Variants in RAB6B observed in about 807,000 individuals in gnomAD.
The protein encoded by RAB6B is ras-related protein Rab-6B.
Under a neutral mutation model 31.2 loss-of-function variants are expected in RAB6B, and 7 were observed. The observed-to-expected ratio is 0.22, with a 90% confidence interval of 0.13 to 0.42. The LOEUF (loss-of-function observed/expected upper bound fraction) is 0.42, where lower values mean the gene tolerates loss of function less well. Ranked by LOEUF, RAB6B falls within the 10% of genes least tolerant of loss-of-function variation. The probability of loss-of-function intolerance (pLI) is 1.00; values close to 1 mark genes in which losing one functional copy is unlikely to be tolerated. For missense variants in RAB6B, 149 were observed against 280.6 expected, an observed-to-expected ratio of 0.53 and a Z score of 3.35; for synonymous variants, 105 against 104.9, an observed-to-expected ratio of 1.00 and a Z score of -0.01.
chr3:133,851,127 T>C (rs756590782), intron 2 of RAB6B, among the ~76,000 whole-genome samples: 1 of 152,108 alleles, frequency 6.6e-6, no homozygotes, highest in Admixed American at 6.5e-5. Context: ...AGAGAATTTG[T>C]GGCAAGCAGA....
chr3:133,880,194 T>C (rs993800641), intron 1 of RAB6B, among the ~76,000 whole-genome samples: 1 of 152,236 alleles, frequency 6.6e-6, no homozygotes, highest in African/African-American at 2.4e-5. Context: ...TCTTGGCCCA[T>C]CCAACCAGCA....
intron 2 of RAB6B, among the ~76,000 whole-genome samples, chr3:133,848,205 G>A (rs940806348): frequency 6.6e-6 from 1 of 152,094 alleles, no homozygotes. Flanking sequence ...CCATCCAGGC[G>A]CCCACGCCTC....
In RAB6B at chr3:133,882,113, G is replaced by A. The variant is rs565933906; in HGVS notation, c.70+13284C>T. 4.6e-5 allele frequency among the ~76,000 whole-genome samples: 7 copies of A among 152,202 alleles called. No individual in the cohort carries two copies. In the East Asian group the frequency reaches 9.7e-4, roughly 21 times the overall value. Reference sequence around the variant, plus strand: ...TTGTTGACAGAATTTGGTTCCTTGTGGTTGTAGGACTTCCCCCCACGGGCT... The same window carrying A: ...TTGTTGACAGAATTTGGTTCCTTGTAGTTGTAGGACTTCCCCCCACGGGCT... On this transcript the variant is annotated intron_variant, in intron 1 of 7. Transcript: ENST00000285208.
At chr3:133,857,325 T>TA (rs1470644011) in intron 2 of RAB6B, among the ~76,000 whole-genome samples, 2 of 147,708 alleles carry the variant, frequency 1.4e-5, no homozygotes, top group African/African-American at 5.0e-5. Flanking sequence ...ATTTCCAGCT[T>TA]AAAAAAAAGA....
intron 1 of RAB6B, among the ~76,000 whole-genome samples, chr3:133,868,029 G>C (rs1180023005): frequency 6.6e-6 from 1 of 152,054 alleles, no homozygotes; most frequent in African/African-American, 2.4e-5. Flanking sequence ...CTTTGTCTCT[G>C]GGGAAGTGTC....
intron 2 of RAB6B, among the ~76,000 whole-genome samples, chr3:133,858,546 T>C (rs1880664): frequency 0.013 from 1,953 of 152,284 alleles, 47 homozygotes; most frequent in African/African-American, 0.044. Flanking sequence ...TGTCCTCACA[T>C]TGTCTTTCTC....
At chr3:133,848,046 C>T (rs1300362581) in intron 2 of RAB6B, among the ~76,000 whole-genome samples, 1 of 152,170 alleles carries the variant, frequency 6.6e-6, no homozygotes, top group East Asian at 1.9e-4. Context: ...GTTCTGAGCC[C>T]CAAATCTATG....
At chr3:133,866,275 C>G (rs1448859185) in intron 1 of RAB6B, among the ~76,000 whole-genome samples, 1 of 152,164 alleles carries the variant, frequency 6.6e-6, no homozygotes, top group East Asian at 1.9e-4. Context: ...CCATTTCACA[C>G]AATGGGCAAT....
chr3:133,826,061 C>A lies in RAB6B; in HGVS notation c.*2727G>T, dbSNP rs989956507. ...CTGCTCAAGACAAAAATCAGGGAAC[C>A]AACAACTTCTGAAAAAGAGGTCTGG... On this transcript the variant is annotated 3_prime_UTR_variant, in exon 8 of 8. Coordinates refer to ENST00000285208, the MANE Select transcript of RAB6B (RefSeq NM_016577.4). The A allele has an allele frequency of 1.3e-5, 2 of 152,216 alleles. No homozygotes were observed. The highest frequency in any genetic ancestry group is 3.9e-4 in the East Asian group (2 of 5,194). 9.4% of individuals were successfully genotyped at this position (152,216 alleles called of 1,614,324 possible).
Position 133,854,601 on chromosome 3 carries a change from G to A in RAB6B, c.129+9983C>T, listed in dbSNP as rs368076925. 4.6e-5 allele frequency among the ~76,000 whole-genome samples: 7 copies of A among 152,318 alleles called. 1 individual carries two copies. The highest frequency in any genetic ancestry group is 1.7e-4 in the African/African-American group (7 of 41,572). On this transcript the variant is annotated intron_variant, in intron 2 of 7. Transcript: ENST00000285208. ...TTTAATATCTTTGTGCTTACAAACA[G>A]CACTGTATATGAGAAATGGCAGGCC...
In RAB6B at chr3:133,853,328, T is replaced by C. The variant is rs1936028363; in HGVS notation, c.129+11256A>G. Among the ~76,000 whole-genome samples, 4 of 152,102 alleles carry C rather than the reference T, an allele frequency of 2.6e-5. No homozygotes were observed. The South Asian group carries it at 8.3e-4, about 32-fold the overall frequency. On this transcript the variant is annotated intron_variant, in intron 2 of 7. Coordinates refer to ENST00000285208, the MANE Select transcript of RAB6B (RefSeq NM_016577.4). ...ATGTAGAAGTATGTGTATGTGGGTATGAGAGTGTGGGGGTAGGGAGGGAGT... is the reference window on the plus strand; with the variant it reads ...ATGTAGAAGTATGTGTATGTGGGTACGAGAGTGTGGGGGTAGGGAGGGAGT...
In RAB6B at chr3:133,828,730, A is replaced by G. The variant is rs1935611844; in HGVS notation, c.*58T>C. The G allele has an allele frequency of 2.8e-6, 4 of 1,436,276 alleles. No homozygotes were observed. Among genetic ancestry groups the G allele is most frequent in the South Asian group, 1.1e-5 (1 of 88,300 alleles). The allele number at this position is 1,436,276 out of a possible 1,614,324, so 89.0% of individuals were successfully genotyped here. The stretch of plus-strand genomic sequence containing the variant: ...TCCCTCCCCCCTTAGGAAGCTAGCC[A>G]ATAGGAAGCAACACAACAAGCAAGG... On this transcript the variant is annotated 3_prime_UTR_variant, in exon 8 of 8. Coordinates refer to ENST00000285208, the MANE Select transcript of RAB6B (RefSeq NM_016577.4).
At chr3:133,884,945 C>T (rs1394166068) in intron 1 of RAB6B, among the ~76,000 whole-genome samples, 1 of 145,620 alleles carries the variant, frequency 6.9e-6, no homozygotes, top group African/African-American at 2.6e-5. Flanking sequence ...GGGGGGCTCA[C>T]ACACCAATGA....
At chr3:133,868,529 G>C (rs1308366792) in intron 1 of RAB6B, among the ~76,000 whole-genome samples, 1 of 152,252 alleles carries the variant, frequency 6.6e-6, no homozygotes, top group African/African-American at 2.4e-5. Context: ...GCAGCTCTCG[G>C]ACACCACTGC....
At chr3:133,832,273 G>A (rs932171988) in intron 7 of RAB6B, among the ~76,000 whole-genome samples, 1 of 152,156 alleles carries the variant, frequency 6.6e-6, no homozygotes, top group African/African-American at 2.4e-5. Flanking sequence ...TGGCCCCTTG[G>A]CTCCTACTTT....
chr3:133,851,380 T>C (rs934154362), intron 2 of RAB6B, among the ~76,000 whole-genome samples: 9 of 152,156 alleles, frequency 5.9e-5, no homozygotes, highest in Non-Finnish European at 1.0e-4. Flanking sequence ...GAATTGCCTG[T>C]AGAGAACAGG....
At chr3:133,866,194 T>C (rs538370787) in intron 1 of RAB6B, among the ~76,000 whole-genome samples, 1 of 152,266 alleles carries the variant, frequency 6.6e-6, no homozygotes, top group African/African-American at 2.4e-5. Context: ...GTTTCCAGAA[T>C]ATCAGATGGA....
Position 133,828,652 on chromosome 3 carries a change from CTACT to C in RAB6B, c.*132_*135del. 2.5e-6 allele frequency: 2 copies of C among 789,284 alleles called. No individual in the cohort carries two copies. Among genetic ancestry groups the C allele is most frequent in the African/African-American group, 1.7e-5 (1 of 59,076 alleles). 48.9% of individuals were successfully genotyped at this position (789,284 alleles called of 1,614,324 possible). A position where few individuals can be genotyped will look rare whatever the true frequency, so the allele number is the denominator to read the frequency against. ...GCCCAGCCTCCCTCCCCATCCCACC[CTACT>C]CCTAAAGACAGAGAGAAAAGAAAAA... On this transcript the variant is annotated 3_prime_UTR_variant, in exon 8 of 8. Coordinates refer to ENST00000285208, the MANE Select transcript of RAB6B (RefSeq NM_016577.4).
At chr3:133,838,342 C>T (rs927014355) in intron 5 of RAB6B, 83 bp from the exon 6 acceptor site, 20 of 1,267,580 alleles carry the variant, frequency 1.6e-5, no homozygotes, top group Non-Finnish European at 2.1e-5. Flanking sequence ...CCCAGCAGGG[C>T]AGAGGGAGCC....
Sources: allele counts gnomAD v4.1 joint callset (sites outside exome capture counted in the v4.1 genomes callset), GRCh38; gene constraint gnomAD v4.1.1; transcripts MANE v1.5; gene names NCBI Gene and HGNC (gene_info 2026-07-23, HGNC 2026-07-21).